The following RGS7 variants were observed in gnomAD, a reference collection of about 807,000 sequenced individuals.
RGS7 encodes the protein regulator of G protein signaling 7.
Under a neutral mutation model 81.1 loss-of-function variants are expected in RGS7, and 27 were observed. The ratio of observed to expected loss-of-function variants is 0.33; its 90% confidence interval spans 0.25 to 0.46. The LOEUF is 0.46. Ranked by LOEUF, RGS7 falls within the 20% of genes least tolerant of loss-of-function variation. The pLI, the probability that RGS7 is intolerant of heterozygous loss-of-function variation, is 1.00. For missense variants in RGS7, 396 were observed against 607.4 expected, an observed-to-expected ratio of 0.65 and a Z score of 3.66; for synonymous variants, 208 against 207.7, an observed-to-expected ratio of 1.00 and a Z score of -0.01.
At chr1:240,924,964 G>C (rs1272439677) in intron 6 of RGS7, among the ~76,000 whole-genome samples, 5 of 152,114 alleles carry the variant, frequency 3.3e-5, no homozygotes, top group Admixed American at 3.3e-4. Flanking sequence ...TGATGGGTGA[G>C]ATGAGTCATA....
At chr1:241,010,909 C>T (rs973180395) in intron 3 of RGS7, among the ~76,000 whole-genome samples, 59 of 152,132 alleles carry the variant, frequency 3.9e-4, no homozygotes, top group African/African-American at 7.5e-4. Context: ...CATGGGTTTT[C>T]CCCTCTGTCA....
chr1:241,314,236 A>G (rs973147774), intron 2 of RGS7, among the ~76,000 whole-genome samples: 6 of 152,230 alleles, frequency 3.9e-5, no homozygotes, highest in Non-Finnish European at 7.3e-5. Flanking sequence ...CGTGAAAGAA[A>G]GAGTCAATCA....
At chr1:241,173,104 C>T (rs1380973178) in intron 2 of RGS7, among the ~76,000 whole-genome samples, 2 of 152,106 alleles carry the variant, frequency 1.3e-5, no homozygotes, top group African/African-American at 2.4e-5. Context: ...GTATTATTAT[C>T]CTAATTTTTC....
chr1:241,105,461 G>A (rs1359333341), intron 2 of RGS7, among the ~76,000 whole-genome samples: 2 of 152,114 alleles, frequency 1.3e-5, no homozygotes, highest in African/African-American at 2.4e-5. Flanking sequence ...GTTCCCGCCC[G>A]AACACTTGGC....
intron 3 of RGS7, among the ~76,000 whole-genome samples, chr1:241,035,585 A>G (rs1043411746): frequency 5.3e-5 from 8 of 152,142 alleles, no homozygotes; most frequent in African/African-American, 1.9e-4. Flanking sequence ...TTATGGCCAA[A>G]TCAACTTATT....
chr1:241,281,434 T>C (rs535705754), intron 2 of RGS7, among the ~76,000 whole-genome samples: 1 of 152,324 alleles, frequency 6.6e-6, no homozygotes, highest in South Asian at 2.1e-4. Flanking sequence ...CAGCAAAAAG[T>C]GATAGTTTCT....
At chr1:240,950,927 CT>C (rs202229784) in intron 4 of RGS7, among the ~76,000 whole-genome samples, 202 of 145,766 alleles carry the variant, frequency 1.4e-3, no homozygotes, top group South Asian at 5.0e-3. Flanking sequence ...TTCTCTCTCT[CT>C]TTTTTTTTTT....
rs574047844 is a variant in RGS7, at chr1:241,087,944, ATCTCTCTCTC to A, written c.175+10712_175+10721del. Among the ~76,000 whole-genome samples the A allele has an allele frequency of 2.0e-3, 233 of 116,106 alleles. 3 individuals are homozygous for A. In the South Asian group the frequency reaches 0.029, roughly 14 times the overall value. 76.2% of individuals were successfully genotyped at this position (116,106 alleles called of 152,430 possible). On this transcript the variant is annotated intron_variant, in intron 3 of 18. Coordinates refer to ENST00000440928, the MANE Select transcript of RGS7 (RefSeq NM_001364886.1). ...AGCCTGAGCCACAGAGCAAGACTCC[ATCTCTCTCTC>A]TCTCTCTCTCTCTCTCTCTCTCTAT...
intron 2 of RGS7, among the ~76,000 whole-genome samples, chr1:241,216,929 AG>A (rs2074592246): frequency 6.6e-6 from 1 of 152,220 alleles, no homozygotes; most frequent in Non-Finnish European, 1.5e-5. Flanking sequence ...CAACTCTGAT[AG>A]CTATCCCTGA....
At chr1:241,115,613 C>G (rs2065839346) in intron 2 of RGS7, among the ~76,000 whole-genome samples, 1 of 152,164 alleles carries the variant, frequency 6.6e-6, no homozygotes, top group Admixed American at 6.5e-5. Context: ...CCTGGCTTCT[C>G]CTTCTCTTCT....
chr1:240,982,563 G>A (rs1041003805), intron 4 of RGS7, among the ~76,000 whole-genome samples: 3 of 151,352 alleles, frequency 2.0e-5, no homozygotes, highest in Admixed American at 1.3e-4. Context: ...TAGACACAAT[G>A]TCCAACATGG....
intron 2 of RGS7, among the ~76,000 whole-genome samples, chr1:241,327,138 G>GAAAAGA (rs747225305): frequency 9.6e-6 from 1 of 104,634 alleles, no homozygotes; most frequent in Non-Finnish European, 2.1e-5. Flanking sequence ...AAGAAAGAAA[G>GAAAAGA]AAAGAAAGGA....
At chr1:241,105,936 A>G (rs2065066251) in intron 2 of RGS7, among the ~76,000 whole-genome samples, 1 of 152,226 alleles carries the variant, frequency 6.6e-6, no homozygotes, top group Admixed American at 6.5e-5. Flanking sequence ...CTTTCAAATT[A>G]TGGTGTGTAC....
intron 14 of RGS7, among the ~76,000 whole-genome samples, chr1:240,809,484 G>C (rs1212988140): frequency 6.6e-6 from 1 of 152,210 alleles, no homozygotes; most frequent in African/African-American, 2.4e-5. Flanking sequence ...AGTGGAAGCA[G>C]AGTAGGGCTC....
chr1:241,092,025 T>C (rs2063919127), intron 3 of RGS7, among the ~76,000 whole-genome samples: 1 of 152,220 alleles, frequency 6.6e-6, no homozygotes, highest in Admixed American at 6.5e-5. Context: ...AGCCTATTTA[T>C]TATATAATGC....
chr1:240,863,436 C>T (rs1383590543), intron 9 of RGS7, among the ~76,000 whole-genome samples: 1 of 152,136 alleles, frequency 6.6e-6, no homozygotes, highest in Admixed American at 6.6e-5. Flanking sequence ...GATCGCACCA[C>T]TGCACTCCAG....
At chr1:240,924,885 T>C (rs1674160214) in intron 6 of RGS7, among the ~76,000 whole-genome samples, 1 of 152,100 alleles carries the variant, frequency 6.6e-6, no homozygotes, top group Admixed American at 6.6e-5. Flanking sequence ...ATCAAAATAA[T>C]ATTTTAGTGC....
chr1:240,968,427 A>G (rs1339877312), intron 4 of RGS7, among the ~76,000 whole-genome samples: 2 of 152,152 alleles, frequency 1.3e-5, no homozygotes, highest in Admixed American at 6.6e-5. Flanking sequence ...AGAATTCAAC[A>G]TGGTGCGTAT....
intron 2 of RGS7, among the ~76,000 whole-genome samples, chr1:241,334,312 A>C (rs778745057): frequency 3.9e-5 from 6 of 152,206 alleles, no homozygotes; most frequent in Non-Finnish European, 8.8e-5. Context: ...TGGTTGAAAT[A>C]GCAAGATTCA....
Sources: gnomAD v4.1 joint callset for allele counts (sites outside exome capture counted in the v4.1 genomes callset) on GRCh38, gnomAD v4.1.1 for gene constraint, MANE v1.5 for transcripts, NCBI Gene and HGNC (gene_info 2026-07-23, HGNC 2026-07-21) for gene names.